CAP2: variants seen among roughly 807,000 people sequenced by gnomAD.
The protein encoded by CAP2 is cyclase associated actin cytoskeleton regulatory protein 2, also known as adenylyl cyclase-associated protein 2.
A neutral mutation model predicts 57.7 loss-of-function variants in CAP2; 24 were observed. That is an observed-to-expected ratio of 0.42 (90% CI 0.30 to 0.58). The LOEUF (loss-of-function observed/expected upper bound fraction) is 0.58, where lower values mean the gene tolerates loss of function less well. Ranked by LOEUF, CAP2 falls within the 20% of genes least tolerant of loss-of-function variation. The pLI is 0.22. For synonymous variants in CAP2, 194 were observed against 207.2 expected (o/e 0.94, Z 0.55); for missense variants, 501 against 590.3 (o/e 0.85, Z 1.57).
chr6:17,482,761 G>A (rs796716483), intron 4 of CAP2, among the ~76,000 whole-genome samples: 12 of 152,236 alleles, frequency 7.9e-5, no homozygotes, highest in African/African-American at 2.9e-4. Flanking sequence ...AGGACCAGGG[G>A]CCCTCCCTAC....
intron 3 of CAP2, among the ~76,000 whole-genome samples, chr6:17,440,084 G>A (rs1051012301): frequency 8.6e-5 from 13 of 151,528 alleles, no homozygotes; most frequent in Non-Finnish European, 1.9e-4. Flanking sequence ...TATTGGAATC[G>A]GTTAAAATTA....
chr6:17,491,982 C>T (rs1561802919), intron 4 of CAP2, among the ~76,000 whole-genome samples: 1 of 152,202 alleles, frequency 6.6e-6, no homozygotes, highest in Non-Finnish European at 1.5e-5. Context: ...AAATAAATCC[C>T]ATTGTCTATC....
rs1581574896 is a variant in CAP2 at position 17,502,771 on chromosome 6, A to G, written c.301-4398A>G. ...CAGTGGGCCAGGTATCATCAACAAT[A>G]CAGATATTCTGGCCTTTCTCAAAAA... On this transcript the variant is annotated intron_variant, in intron 4 of 12. Transcript: ENST00000229922. Among the ~76,000 whole-genome samples the G allele has an allele frequency of 2.0e-5, 3 of 152,200 alleles. No individual in the cohort carries two copies. In the South Asian group the frequency reaches 6.2e-4, roughly 32 times the overall value.
At chr6:17,464,621 G>A (rs1760815548) in intron 4 of CAP2, among the ~76,000 whole-genome samples, 1 of 152,140 alleles carries the variant, frequency 6.6e-6, no homozygotes, top group Non-Finnish European at 1.5e-5. Context: ...GGGCTTCACG[G>A]GTGATTCTGA....
intron 7 of CAP2, chr6:17,531,404 C>T: frequency 6.3e-7 from 1 of 1,594,946 alleles, no homozygotes; most frequent in Non-Finnish European, 8.5e-7. Flanking sequence ...ATAGAAGTTG[C>T]CAGCTTTTCT....
chr6:17,421,839 G>T (rs774505678), intron 2 of CAP2, among the ~76,000 whole-genome samples, 163 bp downstream of exon 2: 7 of 152,198 alleles, frequency 4.6e-5, no homozygotes, highest in Non-Finnish European at 8.8e-5. Context: ...CCCTGAAAAA[G>T]AGAAAGGAAG....
intron 3 of CAP2, among the ~76,000 whole-genome samples, chr6:17,427,072 T>C (rs1270867301): frequency 6.6e-6 from 1 of 152,150 alleles, no homozygotes. Context: ...AACAGGGCTA[T>C]TGCTTGAGAT....
intron 7 of CAP2, among the ~76,000 whole-genome samples, chr6:17,539,031 G>A (rs149886607): frequency 1.1e-3 from 161 of 152,268 alleles, no homozygotes; most frequent in African/African-American, 3.3e-3. Context: ...GCTCATTGCC[G>A]CACAGATCCT....
At chr6:17,420,841 A>G (rs1561776933) in intron 1 of CAP2, among the ~76,000 whole-genome samples, 1 of 151,432 alleles carries the variant, frequency 6.6e-6, no homozygotes, top group East Asian at 1.9e-4. Flanking sequence ...TATAATGCCA[A>G]TTTTTTTTTG....
chr6:17,526,372 C>G (rs1473642265), intron 7 of CAP2, among the ~76,000 whole-genome samples: 1 of 151,988 alleles, frequency 6.6e-6, no homozygotes, highest in Non-Finnish European at 1.5e-5. Context: ...ACCTTCTGTG[C>G]CTCCCAAAGT....
At chr6:17,543,461 C>T (rs755410533) in intron 11 of CAP2, among the ~76,000 whole-genome samples, 1 of 151,856 alleles carries the variant, frequency 6.6e-6, no homozygotes, top group African/African-American at 2.4e-5. Context: ...ACTAAAAATA[C>T]GAAAACAAAA....
intron 3 of CAP2, among the ~76,000 whole-genome samples, chr6:17,440,832 C>A (rs1046052395): frequency 6.6e-6 from 1 of 151,284 alleles, no homozygotes; most frequent in Admixed American, 6.6e-5. Flanking sequence ...CCCCCCACCC[C>A]ATGACAGGCC....
At chr6:17,431,326 T>TA (rs564617510) in intron 3 of CAP2, among the ~76,000 whole-genome samples, 2 of 151,954 alleles carry the variant, frequency 1.3e-5, no homozygotes, top group African/African-American at 2.4e-5. Context: ...AAGATATCGT[T>TA]AAAAAAAATA....
intron 9 of CAP2, 123 bp downstream of exon 9, chr6:17,541,271 T>C: frequency 1.5e-6 from 1 of 682,230 alleles, no homozygotes; most frequent in South Asian, 2.2e-5. Context: ...ACATAACATT[T>C]GTATATATTT....
chr6:17,494,669 G>A (rs116488204), intron 4 of CAP2, among the ~76,000 whole-genome samples: 3,019 of 152,004 alleles, frequency 0.02, 97 homozygotes, highest in African/African-American at 0.069. Flanking sequence ...ATTTATCTGC[G>A]TCTCTCTCCC....
At chr6:17,541,170 T>G (rs1473581298) in intron 9 of CAP2, 22 bp downstream of exon 9, 1 of 1,581,654 alleles carries the variant, frequency 6.3e-7, no homozygotes, top group African/African-American at 1.4e-5. Context: ...ATTTTAACCT[T>G]TATTTTCCTG....
intron 3 of CAP2, among the ~76,000 whole-genome samples, chr6:17,453,953 C>T (rs368144853): frequency 6.9e-5 from 10 of 145,588 alleles, no homozygotes; most frequent in East Asian, 2.1e-4. Context: ...GGCGTGATCA[C>T]GGCTCACTGC....
chr6:17,539,010 T>G (rs1162638288), intron 7 of CAP2, among the ~76,000 whole-genome samples: 1 of 151,880 alleles, frequency 6.6e-6, no homozygotes, highest in African/African-American at 2.4e-5. Context: ...TGCCTCTGAT[T>G]TGGCAGCAGG....
chr6:17,491,308 G>A (rs1761535790), intron 4 of CAP2, among the ~76,000 whole-genome samples: 1 of 152,164 alleles, frequency 6.6e-6, no homozygotes, highest in South Asian at 2.1e-4. Context: ...GGCCTGCATT[G>A]TAAGCATGTC....
Sources: allele counts gnomAD v4.1 joint callset (sites outside exome capture counted in the v4.1 genomes callset), GRCh38; gene constraint gnomAD v4.1.1; transcripts MANE v1.5; gene names NCBI Gene and HGNC (gene_info 2026-07-23, HGNC 2026-07-21).